The following KCNN2 variants were observed in gnomAD, a reference collection of about 807,000 sequenced individuals.
KCNN2 encodes the protein potassium calcium-activated channel subfamily N member 2, also known as small conductance calcium-activated potassium channel protein 2.
In KCNN2, 24 loss-of-function variants were observed where a neutral mutation model predicts 55.5. That is an observed-to-expected ratio of 0.43 (90% CI 0.31 to 0.61). The LOEUF (loss-of-function observed/expected upper bound fraction) is 0.61, where lower values mean the gene tolerates loss of function less well. Among genes scored for constraint, KCNN2 ranks in the 20% least tolerant of loss-of-function variants. The pLI is 0.08. For missense variants in KCNN2, 754 were observed against 853.6 expected, an observed-to-expected ratio of 0.88 and a Z score of 1.45; for synonymous variants, 431 against 336.1, an observed-to-expected ratio of 1.28 and a Z score of -3.09.
chr5:114,409,322 G>C (rs1158263657), intron 3 of KCNN2, among the ~76,000 whole-genome samples: 2 of 148,406 alleles, frequency 1.3e-5, no homozygotes, highest in African/African-American at 4.9e-5. Context: ...TGGTTTGTAA[G>C]ATACAAAGAT....
intron 1 of KCNN2, among the ~76,000 whole-genome samples, chr5:114,110,602 C>T (rs1224076572): frequency 6.6e-6 from 1 of 151,938 alleles, no homozygotes; most frequent in Non-Finnish European, 1.5e-5. Flanking sequence ...CCTTTTTTTC[C>T]CATTCTCTTT....
intron 2 of KCNN2, among the ~76,000 whole-genome samples, chr5:114,322,455 G>A (rs1216215877): frequency 1.3e-5 from 2 of 152,102 alleles, no homozygotes; most frequent in Admixed American, 1.3e-4. Flanking sequence ...TTTATTTTAT[G>A]TGAAAACACT....
rs180677845 is a variant in KCNN2 at position 114,439,493 on chromosome 5, C to T, written c.1638-23556C>T. On this transcript the variant is annotated intron_variant, in intron 3 of 7. Transcript: ENST00000673685. ...CAAAATGCTGGTCATAATGGTGGTT[C>T]TCAGTCTTGACACCTAGGAGCCATA... Among the ~76,000 whole-genome samples the T allele has an allele frequency of 1.1e-4, 17 of 152,202 alleles. No homozygotes were observed. The East Asian group carries it at 3.3e-3, about 29-fold the overall frequency.
At chr5:114,474,267 A>T (rs1761876295) in intron 5 of KCNN2, among the ~76,000 whole-genome samples, 1 of 152,188 alleles carries the variant, frequency 6.6e-6, no homozygotes, top group African/African-American at 2.4e-5. Context: ...ATACTTAGGA[A>T]ATGAAAACAT....
At chr5:114,175,399 A>T (rs946735604) in intron 1 of KCNN2, among the ~76,000 whole-genome samples, 3 of 152,162 alleles carry the variant, frequency 2.0e-5, no homozygotes, top group African/African-American at 7.2e-5. Context: ...AAAATAATGT[A>T]CTCATAAATT....
rs78154612 is a variant in KCNN2 at position 114,147,971 on chromosome 5, A to G, written c.-270-73509A>G. Among the ~76,000 whole-genome samples the G allele has an allele frequency of 1.4e-3, 209 of 152,292 alleles. 2 individuals carry two copies. In the East Asian group the frequency reaches 0.037, roughly 27 times the overall value. ...TTAATTCATCTTTAGTAGGAGCAGC[A>G]ATCAGTATATCATCCACATAACGAA... On this transcript the variant is annotated intron_variant, in intron 1 of 10. Coordinates refer to the KCNN2 transcript ENST00000512097.
intron 2 of KCNN2, among the ~76,000 whole-genome samples, chr5:114,227,970 CCAAA>C (rs907218655): frequency 6.6e-6 from 1 of 151,374 alleles, no homozygotes; most frequent in Non-Finnish European, 1.5e-5. Flanking sequence ...CTACTGTGTG[CCAAA>C]CAATGATTGA....
At chr5:114,307,628 G>T (rs1756311578) in intron 2 of KCNN2, among the ~76,000 whole-genome samples, 1 of 152,118 alleles carries the variant, frequency 6.6e-6, no homozygotes, top group African/African-American at 2.4e-5. Flanking sequence ...TCTTACCAGT[G>T]TATTCCTGAT....
chr5:114,449,265 C>G (rs1485673901), intron 3 of KCNN2, among the ~76,000 whole-genome samples: 2 of 152,090 alleles, frequency 1.3e-5, no homozygotes, highest in African/African-American at 4.8e-5. Flanking sequence ...CTTTGTCATA[C>G]TAGTTACTGT....
intron 2 of KCNN2, among the ~76,000 whole-genome samples, chr5:114,267,291 G>T (rs895679387): frequency 2.0e-5 from 3 of 152,172 alleles, no homozygotes; most frequent in South Asian, 4.2e-4. Flanking sequence ...CACTGCGCCC[G>T]GCCCCACCTC....
At chr5:114,219,773 C>G (rs1201473380) in intron 1 of KCNN2, among the ~76,000 whole-genome samples, 2 of 152,118 alleles carry the variant, frequency 1.3e-5, no homozygotes, top group African/African-American at 4.8e-5. Context: ...TAGAATTTCT[C>G]TGCCCTTGTC....
intron 1 of KCNN2, among the ~76,000 whole-genome samples, chr5:114,091,482 G>T: frequency 6.6e-6 from 1 of 152,276 alleles, no homozygotes; most frequent in South Asian, 2.1e-4. Context: ...CCAGTGGGCT[G>T]AAGTCTTAGA....
chr5:114,181,930 C>T (rs979699722), intron 1 of KCNN2, among the ~76,000 whole-genome samples: 5 of 152,154 alleles, frequency 3.3e-5, no homozygotes, highest in Non-Finnish European at 5.9e-5. Context: ...AGGAGGGTCA[C>T]TTGAACCCGG....
At chr5:114,097,976 T>C (rs1485433160) in intron 1 of KCNN2, among the ~76,000 whole-genome samples, 1 of 152,164 alleles carries the variant, frequency 6.6e-6, no homozygotes, top group African/African-American at 2.4e-5. Context: ...AAGTCAAAAG[T>C]CTGAAATGAA....
chr5:114,116,915 A>G (rs566479065), intron 1 of KCNN2, among the ~76,000 whole-genome samples: 109 of 152,212 alleles, frequency 7.2e-4, no homozygotes, highest in Non-Finnish European at 1.4e-3. Flanking sequence ...TAATATTGCC[A>G]TCTGCTTCCA....
At chr5:114,139,642 T>C (rs1752237215) in intron 1 of KCNN2, among the ~76,000 whole-genome samples, 2 of 150,992 alleles carry the variant, frequency 1.3e-5, no homozygotes, top group South Asian at 4.1e-4. Flanking sequence ...CTAAATAATA[T>C]AGTATTTACT....
chr5:114,110,934 C>A (rs921826187), intron 1 of KCNN2, among the ~76,000 whole-genome samples: 4 of 151,988 alleles, frequency 2.6e-5, no homozygotes, highest in African/African-American at 9.7e-5. Flanking sequence ...TTATTCCTAC[C>A]CTCAGAATTG....
intron 2 of KCNN2, among the ~76,000 whole-genome samples, chr5:114,344,841 A>G (rs1757079461): frequency 6.6e-6 from 1 of 152,232 alleles, no homozygotes; most frequent in Non-Finnish European, 1.5e-5. Context: ...ATTACAGCCC[A>G]TTTAATTTTG....
chr5:114,295,470 A>C (rs1755990503), intron 2 of KCNN2, among the ~76,000 whole-genome samples: 1 of 152,180 alleles, frequency 6.6e-6, no homozygotes, highest in Non-Finnish European at 1.5e-5. Context: ...GCTAGCAATC[A>C]GCAAAACTCC....
Sources: gnomAD v4.1 joint callset for allele counts (sites outside exome capture counted in the v4.1 genomes callset) on GRCh38, gnomAD v4.1.1 for gene constraint, MANE v1.5 for transcripts, NCBI Gene and HGNC (gene_info 2026-07-23, HGNC 2026-07-21) for gene names.